Variants in TBC1D22B observed in about 807,000 individuals in gnomAD.
TBC1D22B encodes the protein TBC1 domain family member 22B.
Under a neutral mutation model 69.1 loss-of-function variants are expected in TBC1D22B, and 32 were observed. The ratio of observed to expected loss-of-function variants is 0.46; its 90% CI spans 0.35 to 0.62. The LOEUF (loss-of-function observed/expected upper bound fraction) is 0.62. Among genes scored for constraint, TBC1D22B ranks in the 20% least tolerant of loss-of-function variants. The pLI is 0.00. For missense variants in TBC1D22B, 462 were observed against 630.9 expected (o/e 0.73, Z 2.87); for synonymous variants, 206 against 229.8 (o/e 0.90, Z 0.94).
chr6:37,269,628 C>T lies in TBC1D22B; in HGVS notation c.91C>T (p.Leu31Phe). 1 of 1,614,174 alleles carries T rather than the reference C, an allele frequency of 6.2e-7. No individual in the cohort carries two copies. Among genetic ancestry groups the T allele is most frequent in the Non-Finnish European group, 8.5e-7 (1 of 1,180,030 alleles). Residue 31 changes from leucine to phenylalanine, a missense_variant, in exon 2 of 13, where the codon CTT becomes TTT. Physicochemically the swap from Leu to Phe is conservative, Grantham distance 22. Around this residue, in one of 2 missense-constraint regions of TBC1D22B, gnomAD observed 237 missense variants for 255.4 expected, o/e 0.93. Coordinates refer to ENST00000373491, the MANE Select transcript of TBC1D22B (RefSeq NM_017772.4). ...TGTATATGGAGCACAGCATCCTCCT[C>T]TTGACCCACGGCTCACCAAAAAGTA... ...QPVYGAQHPPLDPRLTKNFIK... is the reference protein window; with the variant it reads ...QPVYGAQHPPFDPRLTKNFIK...
chr6:37,330,784 G>A (rs1021044071), intron 12 of TBC1D22B, among the ~76,000 whole-genome samples: 6 of 150,726 alleles, frequency 4.0e-5, no homozygotes, highest in Non-Finnish European at 8.8e-5. Context: ...CTTTATTGTT[G>A]TCATTCCCTA....
chr6:37,289,842 TAG>T (rs1177073923), intron 7 of TBC1D22B, among the ~76,000 whole-genome samples: 1 of 152,048 alleles, frequency 6.6e-6, no homozygotes. Flanking sequence ...GCGTTCCCAT[TAG>T]AGTGTTGGGC....
intron 2 of TBC1D22B, among the ~76,000 whole-genome samples, chr6:37,271,621 A>G (rs914995275): frequency 2.0e-5 from 3 of 152,166 alleles, no homozygotes; most frequent in African/African-American, 7.2e-5. Context: ...TAAAAAAGAG[A>G]AGAAAAAAAG....
chr6:37,292,500 C>T (rs1406649968), intron 8 of TBC1D22B, among the ~76,000 whole-genome samples: 1 of 151,984 alleles, frequency 6.6e-6, no homozygotes, highest in Non-Finnish European at 1.5e-5. Flanking sequence ...CTTAATAGAT[C>T]AACTTTTGGA....
rs1029315769 is a variant in TBC1D22B at position 37,331,975 on chromosome 6, C to G, written c.*803C>G. 2.0e-5 allele frequency: 3 copies of G among 152,570 alleles called. No homozygotes were observed. Among genetic ancestry groups the G allele is most frequent in the Non-Finnish European group, 4.4e-5 (3 of 68,030 alleles). 9.5% of individuals were successfully genotyped at this position (152,570 alleles called of 1,614,324 possible). A position where few individuals can be genotyped will look rare whatever the true frequency, so the allele number is the denominator to read the frequency against. ...ACCCCTTTTCCATGATGACCCACTC[C>G]AAGATATTATGTGTAAATTGTGTTA... is the stretch of plus-strand genomic sequence containing the variant. On this transcript the variant is annotated 3_prime_UTR_variant, in exon 13 of 13. Transcript: ENST00000373491.
In TBC1D22B at chr6:37,263,841, C is replaced by T. The variant is rs528620973; in HGVS notation, c.57-5753C>T. Reference sequence around the variant, plus strand: ...CCTCATGACCCACCCACCTTGGCCTCCCAAAGTGCTGGGATTACAGGCGTG... The same window carrying T: ...CCTCATGACCCACCCACCTTGGCCTTCCAAAGTGCTGGGATTACAGGCGTG... On this transcript the variant is annotated intron_variant, in intron 1 of 12. Transcript: ENST00000373491. 5.3e-5 allele frequency among the ~76,000 whole-genome samples: 8 copies of T among 152,334 alleles called. No homozygotes were observed. The East Asian group carries it at 1.3e-3, about 26-fold the overall frequency.
intron 8 of TBC1D22B, among the ~76,000 whole-genome samples, chr6:37,301,155 G>A (rs1235817999): frequency 6.6e-6 from 1 of 152,190 alleles, no homozygotes; most frequent in African/African-American, 2.4e-5. Context: ...AAATGTAGGA[G>A]TGGGGAACCT....
At chr6:37,287,837 G>T (rs997583647) in intron 7 of TBC1D22B, among the ~76,000 whole-genome samples, 1 of 152,196 alleles carries the variant, frequency 6.6e-6, no homozygotes, top group Non-Finnish European at 1.5e-5. Context: ...GCTAGTATGG[G>T]TATGTGAATA....
At chr6:37,267,633 G>A (rs1766351501) in intron 1 of TBC1D22B, among the ~76,000 whole-genome samples, 1 of 150,482 alleles carries the variant, frequency 6.6e-6, no homozygotes, top group Non-Finnish European at 1.5e-5. Flanking sequence ...GTTTATAAGT[G>A]TAACTTTATA....
Position 37,332,413 on chromosome 6 carries a change from G to A in TBC1D22B, c.*1241G>A, listed in dbSNP as rs45575834. On this transcript the variant is annotated 3_prime_UTR_variant, in exon 13 of 13. Transcript: ENST00000373491. ...ATCTGGGGAGGGCTTTTGTTTTTAC[G>A]TTTTCAAGTTCAGCATTGTATTCGG... is the stretch of plus-strand genomic sequence containing the variant. 0.076 allele frequency: 11,634 copies of A among 152,646 alleles called. 482 individuals are homozygous for A. Among genetic ancestry groups the A allele is most frequent in the Non-Finnish European group, 0.097 (6,574 of 68,034 alleles). 9.5% of individuals were successfully genotyped at this position (152,646 alleles called of 1,614,324 possible). A position where few individuals can be genotyped will look rare whatever the true frequency, so the allele number is the denominator to read the frequency against.
At chr6:37,307,836 A>G (rs1474309714) in intron 8 of TBC1D22B, among the ~76,000 whole-genome samples, 1 of 152,228 alleles carries the variant, frequency 6.6e-6, no homozygotes, top group African/African-American at 2.4e-5. Flanking sequence ...GATCACATCT[A>G]GAAATTGTCC....
intron 2 of TBC1D22B, among the ~76,000 whole-genome samples, chr6:37,270,150 T>TA (rs2113721702): frequency 6.6e-6 from 1 of 152,254 alleles, no homozygotes; most frequent in Admixed American, 6.5e-5. Context: ...ATATGTACAG[T>TA]AGAGTTAAAA....
At chr6:37,296,442 T>G (rs1466061133) in intron 8 of TBC1D22B, among the ~76,000 whole-genome samples, 1 of 151,992 alleles carries the variant, frequency 6.6e-6, no homozygotes, top group Non-Finnish European at 1.5e-5. Context: ...CTCAATCTGC[T>G]GGCTCAAGTG....
chr6:37,278,122 G>T (rs376077192), intron 2 of TBC1D22B, among the ~76,000 whole-genome samples: 1 of 152,096 alleles, frequency 6.6e-6, no homozygotes, highest in East Asian at 1.9e-4. Flanking sequence ...ACAGAGCAAG[G>T]CCCTGACTCT....
At chr6:37,266,257 G>T (rs998789479) in intron 1 of TBC1D22B, among the ~76,000 whole-genome samples, 2 of 152,072 alleles carry the variant, frequency 1.3e-5, no homozygotes, top group Non-Finnish European at 2.9e-5. Context: ...CAGTCATCTG[G>T]TTCCTATTCC....
chr6:37,314,190 C>T (rs1247413820), intron 10 of TBC1D22B, among the ~76,000 whole-genome samples: 1 of 152,184 alleles, frequency 6.6e-6, no homozygotes, highest in Non-Finnish European at 1.5e-5. Flanking sequence ...AGCTCTGGTC[C>T]AGCTTCCTCC....
intron 8 of TBC1D22B, among the ~76,000 whole-genome samples, chr6:37,303,882 T>C (rs1367418889): frequency 1.3e-5 from 2 of 152,236 alleles, no homozygotes; most frequent in South Asian, 2.1e-4. Flanking sequence ...TGTGGCACTT[T>C]ACCTCGCTAG....
intron 3 of TBC1D22B, among the ~76,000 whole-genome samples, chr6:37,279,814 G>A (rs1347611029): frequency 6.6e-6 from 1 of 152,214 alleles, no homozygotes; most frequent in Admixed American, 6.5e-5. Flanking sequence ...CCAGTCTGGT[G>A]ACCTGGGCCT....
intron 1 of TBC1D22B, among the ~76,000 whole-genome samples, chr6:37,268,836 G>GT (rs1766388892): frequency 6.6e-6 from 1 of 152,084 alleles, no homozygotes; most frequent in Admixed American, 6.6e-5. Context: ...CATGACATTT[G>GT]TAAGATCCAT....
Sources: allele counts gnomAD v4.1 joint callset (sites outside exome capture counted in the v4.1 genomes callset), GRCh38; gene constraint gnomAD v4.1.1; regional missense constraint gnomAD v4.1.1; transcripts MANE v1.5; gene names NCBI Gene and HGNC (gene_info 2026-07-23, HGNC 2026-07-21).